The following GFOD2 variants were observed in gnomAD, a reference collection of about 807,000 sequenced individuals.
The protein encoded by GFOD2 is Gfo/Idh/MocA-like oxidoreductase domain containing 2, also known as glucose-fructose oxidoreductase domain-containing protein 2.
In GFOD2, 9 loss-of-function variants were observed where a neutral mutation model predicts 24.6. The ratio of observed to expected loss-of-function variants is 0.37; its 90% CI spans 0.22 to 0.64. The LOEUF (loss-of-function observed/expected upper bound fraction) is 0.64. GFOD2 is among the 30% of genes least tolerant of loss of function. The pLI is 0.65. For missense variants in GFOD2, 476 were observed against 532.5 expected (o/e 0.89, Z 1.04); for synonymous variants, 211 against 224.8 (o/e 0.94, Z 0.55).
At chr16:67,683,547 G>A in intron 2 of GFOD2, 1 of 1,231,758 alleles carries the variant, frequency 8.1e-7, no homozygotes, top group Non-Finnish European at 1.0e-6. Context: ...ACCAATGAAT[G>A]AATAACTCCA....
intron 1 of GFOD2, among the ~76,000 whole-genome samples, chr16:67,717,834 A>G (rs1298079793): frequency 1.3e-5 from 2 of 152,224 alleles, no homozygotes; most frequent in Non-Finnish European, 2.9e-5. Flanking sequence ...ACCCAGACCA[A>G]TGATTATTCC....
intron 1 of GFOD2, among the ~76,000 whole-genome samples, chr16:67,709,807 G>A (rs1411479023): frequency 1.3e-5 from 2 of 151,996 alleles, no homozygotes; most frequent in Non-Finnish European, 2.9e-5. Flanking sequence ...GGTAGAGACG[G>A]GGTTTCCCAT....
chr16:67,708,159 A>G (rs1597803974), intron 1 of GFOD2, among the ~76,000 whole-genome samples: 1 of 152,340 alleles, frequency 6.6e-6, no homozygotes. Flanking sequence ...TATGTAAATT[A>G]TACCTTAATT....
chr16:67,711,908 C>T (rs928885462), intron 1 of GFOD2, among the ~76,000 whole-genome samples: 5 of 152,262 alleles, frequency 3.3e-5, no homozygotes, highest in African/African-American at 9.6e-5. Context: ...CTCTCTCTCA[C>T]GTTTCCTTCA....
intron 1 of GFOD2, among the ~76,000 whole-genome samples, chr16:67,700,009 A>C (rs1377855051): frequency 6.6e-6 from 1 of 152,052 alleles, no homozygotes; most frequent in Non-Finnish European, 1.5e-5. Context: ...TGGGAGGTGG[A>C]GGTTGCAGTG....
intron 1 of GFOD2, among the ~76,000 whole-genome samples, chr16:67,718,303 A>G (rs1247637027): frequency 1.3e-5 from 2 of 152,180 alleles, no homozygotes; most frequent in African/African-American, 2.4e-5. Flanking sequence ...AAGGACATCC[A>G]CTTTCTTGCC....
At chr16:67,678,134 C>T (rs576204399) in intron 2 of GFOD2, among the ~76,000 whole-genome samples, 1 of 152,322 alleles carries the variant, frequency 6.6e-6, no homozygotes, top group South Asian at 2.1e-4. Flanking sequence ...ACAATAGTAA[C>T]TACAGACAAT....
At chr16:67,682,245 T>G in intron 2 of GFOD2, 4 of 564,266 alleles carry the variant, frequency 7.1e-6, no homozygotes, top group Non-Finnish European at 6.7e-6. Context: ...ACCAGGTTGG[T>G]CAGGCTGGTC....
chr16:67,685,670 C>T lies in GFOD2; in HGVS notation c.46G>A (p.Ala16Thr), dbSNP rs749715450. The part of the protein sequence containing the change: ...GVGVFGTGSS[A>T]RVLVPLLRAE... Reference sequence around the variant, plus strand: ...CTCAGCAGTGGGACCAGAACTCGGGCGGAGCTGCCAGTCCCAAACACGCCC... The same window carrying T: ...CTCAGCAGTGGGACCAGAACTCGGGTGGAGCTGCCAGTCCCAAACACGCCC... Residue 16 changes from alanine (A) to threonine (T), a missense_variant, in exon 2 of 3, where the codon GCC becomes ACC. Physicochemically the swap from Ala to Thr is moderately conservative, Grantham distance 58. Transcript: ENST00000268797. 1.1e-5 allele frequency: 18 copies of T among 1,613,848 alleles called. No individual in the cohort carries two copies. The highest frequency in any genetic ancestry group is 3.3e-5 in the Admixed American group (2 of 60,004).
intron 1 of GFOD2, among the ~76,000 whole-genome samples, chr16:67,686,646 A>G (rs889420701): frequency 1.3e-5 from 2 of 151,188 alleles, no homozygotes; most frequent in Non-Finnish European, 2.9e-5. Context: ...CCGGGTCAAC[A>G]TGGCCAAACC....
rs1307444641 is a variant in GFOD2 at position 67,675,172 on chromosome 16, G to C, written c.1141C>G (p.Gln381Glu). Residue 381 changes from glutamine to glutamate, a missense_variant, in exon 3 of 3, where the codon CAG becomes GAG. Physicochemically the swap from Gln to Glu is conservative, Grantham distance 29. Transcript: ENST00000268797. ...DTNQNLCEAL[Q>E]RNNL is the part of the protein sequence containing the mutation. ...GTGCAGGCTCATAGGTTGTTCCGCT[G>C]AAGTGCCTCACACAGGTTCTGGTTG... is the stretch of plus-strand genomic sequence containing the variant. 7 of 1,613,124 alleles carry C rather than the reference G, an allele frequency of 4.3e-6. No individual in the cohort carries two copies. The highest frequency in any genetic ancestry group is 1.3e-5 in the African/African-American group (1 of 75,056).
intron 1 of GFOD2, among the ~76,000 whole-genome samples, chr16:67,689,804 C>A (rs1189940583): frequency 6.6e-6 from 1 of 152,090 alleles, no homozygotes; most frequent in Non-Finnish European, 1.5e-5. Flanking sequence ...TTAAATAATA[C>A]CCATTATTCC....
chr16:67,686,739 G>A (rs1465310550), intron 1 of GFOD2, among the ~76,000 whole-genome samples: 1 of 151,816 alleles, frequency 6.6e-6, no homozygotes, highest in African/African-American at 2.4e-5. Flanking sequence ...AGGAAGCTGA[G>A]GAAGGAGAAT....
chr16:67,696,519 G>A (rs552573034), intron 1 of GFOD2, among the ~76,000 whole-genome samples: 67 of 152,102 alleles, frequency 4.4e-4, no homozygotes, highest in Non-Finnish European at 7.6e-4. Flanking sequence ...CGTCACCCAG[G>A]CTGGAGTGCA....
chr16:67,713,608 C>T (rs2053490316), intron 1 of GFOD2, among the ~76,000 whole-genome samples: 1 of 152,166 alleles, frequency 6.6e-6, no homozygotes, highest in South Asian at 2.1e-4. Flanking sequence ...CTGGGAAACA[C>T]TTACTTATAT....
chr16:67,689,747 G>A (rs548667799), intron 1 of GFOD2, among the ~76,000 whole-genome samples: 1 of 152,080 alleles, frequency 6.6e-6, no homozygotes, highest in African/African-American at 2.4e-5. Flanking sequence ...CACCCTGGTG[G>A]ATGGTTACTT....
chr16:67,715,209 C>T (rs2053498788), intron 1 of GFOD2, among the ~76,000 whole-genome samples: 1 of 152,136 alleles, frequency 6.6e-6, no homozygotes, highest in Admixed American at 6.5e-5. Flanking sequence ...CAGGGACCCG[C>T]CATCACACCC....
intron 1 of GFOD2, among the ~76,000 whole-genome samples, chr16:67,703,327 C>T (rs1331861946): frequency 6.6e-6 from 1 of 152,088 alleles, no homozygotes; most frequent in Non-Finnish European, 1.5e-5. Flanking sequence ...CGCTTGAACC[C>T]AGGAAGTGGA....
At chr16:67,685,166 C>T in intron 2 of GFOD2, 1 of 1,385,256 alleles carries the variant, frequency 7.2e-7, no homozygotes. Context: ...TCTAACTTCA[C>T]AGAGGCAAAC....
Sources: allele counts gnomAD v4.1 joint callset (sites outside exome capture counted in the v4.1 genomes callset), GRCh38; gene constraint gnomAD v4.1.1; transcripts MANE v1.5; gene names NCBI Gene and HGNC (gene_info 2026-07-23, HGNC 2026-07-21).